Variants in GRIP1 observed in about 807,000 individuals in gnomAD.
GRIP1 encodes glutamate receptor-interacting protein 1.
GRIP1 carries 45 observed loss-of-function variants against 129.9 expected under a neutral mutation model. The observed-to-expected ratio is 0.35, with a 90% CI of 0.27 to 0.44. GRIP1 has a LOEUF of 0.44. GRIP1 is among the 20% of genes least tolerant of loss of function. The probability of loss-of-function intolerance (pLI) is 1.00; values close to 1 mark genes in which losing one functional copy is unlikely to be tolerated. For missense variants in GRIP1, 1,196 were observed against 1,396.8 expected, an observed-to-expected ratio of 0.86 and a Z score of 2.29; for synonymous variants, 530 against 520.8, an observed-to-expected ratio of 1.02 and a Z score of -0.24.
At chr12:67,034,014 T>C (rs545385841) in intron 1 of GRIP1, among the ~76,000 whole-genome samples, 4 of 152,274 alleles carry the variant, frequency 2.6e-5, no homozygotes, top group Admixed American at 1.3e-4. Flanking sequence ...AAATTGTTAT[T>C]TAAAGGCTGT....
chr12:66,515,241 C>T (rs896235609), intron 7 of GRIP1, among the ~76,000 whole-genome samples: 1 of 151,886 alleles, frequency 6.6e-6, no homozygotes, highest in African/African-American at 2.4e-5. Context: ...AAAGGAATCA[C>T]CTACTGCTGT....
intron 11 of GRIP1, among the ~76,000 whole-genome samples, chr12:66,451,406 T>G (rs1375201970): frequency 8.5e-6 from 1 of 117,316 alleles, no homozygotes; most frequent in Admixed American, 8.8e-5. Flanking sequence ...TTTTTTTTTT[T>G]TTTTTTTTTT....
chr12:66,658,751 T>C (rs1235811582), intron 1 of GRIP1, among the ~76,000 whole-genome samples: 1 of 151,000 alleles, frequency 6.6e-6, no homozygotes, highest in African/African-American at 2.4e-5. Flanking sequence ...AAAATAAAAA[T>C]AAAATAAGAT....
intron 8 of GRIP1, among the ~76,000 whole-genome samples, chr12:66,464,899 T>A (rs11176202): frequency 0.1 from 15,657 of 151,718 alleles, 1,123 homozygotes; most frequent in Admixed American, 0.2. Flanking sequence ...GTATATATAT[T>A]TAAAATTGCA....
chr12:66,385,766 C>T (rs1163493751), intron 19 of GRIP1, among the ~76,000 whole-genome samples: 1 of 151,976 alleles, frequency 6.6e-6, no homozygotes, highest in Non-Finnish European at 1.5e-5. Flanking sequence ...CACACCACCA[C>T]ACCCAGCTAA....
chr12:66,756,041 A>G lies in GRIP1; in HGVS notation c.-420+48012T>C, dbSNP rs189369518. ...CCCCATCCTTTTAAAAATTATGGTA[A>G]AAAGCACATAAATGTTACCATCTTA... On this transcript the variant is annotated intron_variant, in intron 1 of 4. Transcript: ENST00000538373. Among the ~76,000 whole-genome samples, 242 of 152,256 alleles carry G rather than the reference A, an allele frequency of 1.6e-3. 1 individual carries two copies. The highest frequency in any genetic ancestry group is 5.6e-3 in the African/African-American group (232 of 41,542).
At chr12:66,815,418 G>A in intron 1 of GRIP1, among the ~76,000 whole-genome samples, 1 of 152,066 alleles carries the variant, frequency 6.6e-6, no homozygotes, top group African/African-American at 2.4e-5. Context: ...AGCATCTAAG[G>A]ATGACTCTAT....
intron 20 of GRIP1, among the ~76,000 whole-genome samples, chr12:66,378,640 G>A (rs142822850): frequency 1.2e-4 from 18 of 151,766 alleles, no homozygotes; most frequent in Non-Finnish European, 2.6e-4. Context: ...CCAGCTACTC[G>A]GGAGGCTGAG....
chr12:66,785,679 A>T (rs940623940), intron 1 of GRIP1, among the ~76,000 whole-genome samples: 2 of 152,110 alleles, frequency 1.3e-5, no homozygotes, highest in Non-Finnish European at 2.9e-5. Context: ...TCATTTAGAG[A>T]TTCATTTGGG....
intron 1 of GRIP1, among the ~76,000 whole-genome samples, chr12:66,978,709 C>T (rs928551883): frequency 2.4e-4 from 37 of 152,124 alleles, no homozygotes; most frequent in Non-Finnish European, 3.8e-4. Context: ...AAAGCTAAGA[C>T]AAAAAGTAGA....
At chr12:66,911,891 G>A (rs2041035892) in intron 1 of GRIP1, among the ~76,000 whole-genome samples, 1 of 152,074 alleles carries the variant, frequency 6.6e-6, no homozygotes, top group African/African-American at 2.4e-5. Context: ...TCAATTCCTG[G>A]CACCAGCATC....
intron 9 of GRIP1, among the ~76,000 whole-genome samples, chr12:66,461,086 C>T (rs764255220): frequency 6.6e-6 from 1 of 152,026 alleles, no homozygotes; most frequent in Non-Finnish European, 1.5e-5. Flanking sequence ...AGGTTTTCCA[C>T]AATAAAGGCA....
rs187724399 is a variant in GRIP1, at chr12:66,754,209, T to A, written c.-420+49844A>T. Among the ~76,000 whole-genome samples the A allele has an allele frequency of 1.5e-3, 236 of 152,280 alleles. 2 individuals are homozygous for A. Among genetic ancestry groups the A allele is most frequent in the Middle Eastern group, 0.01 (3 of 294 alleles). On this transcript the variant is annotated intron_variant, in intron 1 of 4. Transcript: ENST00000538373. Reference sequence around the variant, plus strand: ...GGAATATAGACGATGGATGTATACATCTGGTATTCATTCAATAATAATCTA... The same window carrying A: ...GGAATATAGACGATGGATGTATACAACTGGTATTCATTCAATAATAATCTA...
In GRIP1 at chr12:67,010,671, G is replaced by A. The variant is rs2042692178; in HGVS notation, c.58+58379C>T. Among the ~76,000 whole-genome samples the A allele has an allele frequency of 1.3e-5, 2 of 152,058 alleles. 1 individual carries two copies. The highest frequency in any genetic ancestry group is 4.2e-4 in the South Asian group (2 of 4,816). On this transcript the variant is annotated intron_variant, in intron 1 of 1. Coordinates refer to the GRIP1 transcript ENST00000643019. ...AAACTTTGAAAGAATAGGCCAGTGA[G>A]ATTGTGTTCACTTCCTCATTGTAGC...
At chr12:66,854,189 G>A (rs2039963546) in intron 1 of GRIP1, among the ~76,000 whole-genome samples, 1 of 151,960 alleles carries the variant, frequency 6.6e-6, no homozygotes, top group African/African-American at 2.4e-5. Context: ...ATGAAAACGT[G>A]CGACAAGACA....
chr12:66,546,860 C>T (rs1196527710), intron 2 of GRIP1, among the ~76,000 whole-genome samples: 1 of 134,342 alleles, frequency 7.4e-6, no homozygotes, highest in East Asian at 2.4e-4. Flanking sequence ...CGAAGGGTTT[C>T]TAGACTTGAC....
intron 1 of GRIP1, among the ~76,000 whole-genome samples, chr12:66,723,604 C>T (rs1415537808): frequency 6.6e-6 from 1 of 152,024 alleles, no homozygotes; most frequent in African/African-American, 2.4e-5. Flanking sequence ...TGAGCCACCA[C>T]GCCTGGCCTC....
In GRIP1 at chr12:67,068,596, A is replaced by G. The variant is rs911605849; in HGVS notation, c.58+454T>C. Among the ~76,000 whole-genome samples the G allele has an allele frequency of 5.3e-5, 8 of 152,116 alleles. No individual in the cohort carries two copies. In the South Asian group the frequency reaches 1.5e-3, roughly 28 times the overall value. On this transcript the variant is annotated intron_variant, in intron 1 of 1. Transcript: ENST00000643019. ...TTGGCAATGCCGTCGCAGCCCAGCC[A>G]GAGGCGGGGACAACGCGAGGGTGGC... is the stretch of plus-strand genomic sequence containing the variant.
Position 66,463,098 on chromosome 12 carries a change from G to A in GRIP1, c.873-5C>T, listed in dbSNP as rs372882283. On this transcript the variant is annotated splice_polypyrimidine_tract_variant and splice_region_variant and intron_variant, in intron 8 of 24. Coordinates refer to ENST00000359742, the MANE Select transcript of GRIP1 (RefSeq NM_001366722.1). ...CCCACATGCAATGCGCCACATCTAC[G>A]GAAAGGAGAAATACTCGGTAAGAGG... 49 of 1,612,736 alleles carry A rather than the reference G, an allele frequency of 3.0e-5. No individual in the cohort carries two copies. The highest frequency in any genetic ancestry group is 3.9e-5 in the Non-Finnish European group (46 of 1,178,966).
Sources: gnomAD v4.1 joint callset for allele counts (sites outside exome capture counted in the v4.1 genomes callset) on GRCh38, gnomAD v4.1.1 for gene constraint, MANE v1.5 for transcripts, NCBI Gene and HGNC (gene_info 2026-07-23, HGNC 2026-07-21) for gene names.